Variants in RAPGEF4 observed in about 807,000 individuals in gnomAD.
RAPGEF4 encodes the protein RAP guanine-nucleotide-exchange factor (GEF) 4.
A neutral mutation model predicts 147.9 loss-of-function variants in RAPGEF4; 66 were observed. The ratio of observed to expected loss-of-function variants is 0.45; its 90% CI spans 0.37 to 0.55. The LOEUF is 0.55. Among genes scored for constraint, RAPGEF4 ranks in the 20% least tolerant of loss-of-function variants. RAPGEF4 has a pLI of 0.00. For synonymous variants in RAPGEF4, 419 were observed against 442.7 expected (o/e 0.95, Z 0.67); for missense variants, 1,071 against 1,257.3 (o/e 0.85, Z 2.24).
At chr2:172,912,893 CTTTT>C (rs35223351) in intron 4 of RAPGEF4, among the ~76,000 whole-genome samples, 7 of 92,540 alleles carry the variant, frequency 7.6e-5, no homozygotes, top group African/African-American at 8.3e-5. Flanking sequence ...CTCCCTCACT[CTTTT>C]TTTTTTTTTT....
intron 10 of RAPGEF4, among the ~76,000 whole-genome samples, chr2:172,978,202 C>A (rs1056420226): frequency 2.6e-5 from 4 of 151,786 alleles, no homozygotes; most frequent in South Asian, 2.1e-4. Flanking sequence ...GGTCACACCC[C>A]CCCCAGAGCT....
intron 4 of RAPGEF4, among the ~76,000 whole-genome samples, chr2:172,892,591 G>T (rs1232228712): frequency 6.6e-6 from 1 of 152,236 alleles, no homozygotes; most frequent in Non-Finnish European, 1.5e-5. Flanking sequence ...GATAACAGGG[G>T]ATTGCAGTCT....
intron 23 of RAPGEF4, 109 bp from the exon 24 acceptor site, chr2:173,026,463 A>G: frequency 8.3e-7 from 1 of 1,207,568 alleles, no homozygotes; most frequent in Non-Finnish European, 1.1e-6. Flanking sequence ...GATATTCCTG[A>G]AAGCGTCCAT....
Position 172,967,275 on chromosome 2 carries a change from C to A in RAPGEF4, c.835C>A (p.His279Asn), listed in dbSNP as rs760194452. Residue 279 changes from histidine to asparagine, a missense_variant, in exon 10 of 31, where the codon CAT (histidine) becomes AAT (asparagine). Physicochemically the swap from His to Asn is moderately conservative, Grantham distance 68. Coordinates refer to ENST00000397081, the MANE Select transcript of RAPGEF4 (RefSeq NM_007023.4). ...GTTTCCCATAGTGGACCAGGAGCAC[C>A]ATTTCCAAGACAAATATTTATTCTA... ...GVLNHVDQEH[H>N]FQDKYLFYRF... The A allele has an allele frequency of 5.0e-6, 8 of 1,611,988 alleles. No homozygotes were observed. In the South Asian group the frequency reaches 7.7e-5, roughly 16 times the overall value.
intron 23 of RAPGEF4, among the ~76,000 whole-genome samples, chr2:173,024,884 A>G (rs1184157954): frequency 6.6e-6 from 1 of 152,170 alleles, no homozygotes; most frequent in Admixed American, 6.5e-5. Flanking sequence ...CTGCCAAGCA[A>G]GTTTCATGAC....
chr2:172,999,315 A>C (rs1693678472), intron 16 of RAPGEF4, among the ~76,000 whole-genome samples: 2 of 152,210 alleles, frequency 1.3e-5, no homozygotes, highest in African/African-American at 2.4e-5. Flanking sequence ...CTCATAAATC[A>C]GAAATACAAA....
intron 6 of RAPGEF4, among the ~76,000 whole-genome samples, chr2:172,930,913 C>T (rs936259951): frequency 5.9e-5 from 9 of 152,232 alleles, no homozygotes; most frequent in Admixed American, 2.6e-4. Context: ...GCTTTTCACT[C>T]AATTGTAGTT....
At chr2:173,020,466 T>C in intron 22 of RAPGEF4, 152 bp from the exon 23 acceptor site, 1 of 704,142 alleles carries the variant, frequency 1.4e-6, no homozygotes, top group South Asian at 1.6e-5. Context: ...GCCGTCTTTT[T>C]TATTCCGTGG....
intron 6 of RAPGEF4, among the ~76,000 whole-genome samples, chr2:172,954,988 C>G (rs1369744898): frequency 1.3e-5 from 2 of 152,180 alleles, no homozygotes; most frequent in African/African-American, 2.4e-5. Context: ...ACACAACAGA[C>G]CTTCATTAAA....
At chr2:172,752,952 C>A (rs1398437215) in intron 1 of RAPGEF4, among the ~76,000 whole-genome samples, 1 of 152,184 alleles carries the variant, frequency 6.6e-6, no homozygotes, top group Non-Finnish European at 1.5e-5. Flanking sequence ...TTTATCTTAA[C>A]AACTTTAGAG....
At chr2:172,908,525 C>G (rs748952293) in intron 4 of RAPGEF4, among the ~76,000 whole-genome samples, 2 of 152,222 alleles carry the variant, frequency 1.3e-5, no homozygotes, top group African/African-American at 2.4e-5. Flanking sequence ...CCTAACACTT[C>G]GTAGACAAAT....
At chr2:172,938,214 TACACACACAC>T (rs57780996) in intron 6 of RAPGEF4, among the ~76,000 whole-genome samples, 10 of 148,260 alleles carry the variant, frequency 6.7e-5, no homozygotes, top group Non-Finnish European at 1.0e-4. Context: ...TATCTGTAAG[TACACACACAC>T]ACACACACAC....
intron 1 of RAPGEF4, among the ~76,000 whole-genome samples, chr2:172,750,106 G>A (rs893933007): frequency 7.2e-5 from 11 of 151,982 alleles, no homozygotes; most frequent in African/African-American, 2.7e-4. Flanking sequence ...ACATTTTCCT[G>A]TCTTCTTCTG....
intron 4 of RAPGEF4, among the ~76,000 whole-genome samples, chr2:172,896,482 A>G (rs572373325): frequency 3.3e-5 from 5 of 152,300 alleles, no homozygotes; most frequent in African/African-American, 1.2e-4. Flanking sequence ...TTATATAATC[A>G]AAATAGTATT....
chr2:173,026,472 A>G, intron 23 of RAPGEF4, 100 bp from the exon 24 acceptor site: 1 of 1,283,892 alleles, frequency 7.8e-7, no homozygotes, highest in East Asian at 2.5e-5. Flanking sequence ...GAAAGCGTCC[A>G]TCTCCAGAAT....
intron 1 of RAPGEF4, among the ~76,000 whole-genome samples, chr2:172,748,455 C>A (rs912084226): frequency 6.6e-6 from 1 of 152,128 alleles, no homozygotes; most frequent in African/African-American, 2.4e-5. Context: ...AAGAACCAAG[C>A]AAAAGGGGTT....
intron 15 of RAPGEF4, 78 bp from the exon 16 acceptor site, chr2:172,996,388 A>C: frequency 1.2e-6 from 1 of 810,202 alleles, no homozygotes; most frequent in Admixed American, 3.0e-5. Context: ...AAAAAAAAAA[A>C]AAACTTAGAT....
chr2:172,771,530 C>T (rs1683602846), intron 1 of RAPGEF4, among the ~76,000 whole-genome samples: 1 of 151,894 alleles, frequency 6.6e-6, no homozygotes, highest in South Asian at 2.1e-4. Flanking sequence ...GTGATTTTTC[C>T]CCTAATATTT....
At chr2:172,951,131 G>A (rs967323166) in intron 6 of RAPGEF4, among the ~76,000 whole-genome samples, 24 of 152,126 alleles carry the variant, frequency 1.6e-4, no homozygotes, top group African/African-American at 5.3e-4. Context: ...AACCCAGTCC[G>A]TTTAAAAAAA....
Sources: gnomAD v4.1 joint callset for allele counts (sites outside exome capture counted in the v4.1 genomes callset) on GRCh38, gnomAD v4.1.1 for gene constraint, MANE v1.5 for transcripts, NCBI Gene and HGNC (gene_info 2026-07-23, HGNC 2026-07-21) for gene names.